The following TDRD9 variants were observed in gnomAD, a reference collection of about 807,000 sequenced individuals.
The protein encoded by TDRD9 is ATP-dependent RNA helicase TDRD9.
A neutral mutation model predicts 172.6 loss-of-function variants in TDRD9; 124 were observed. That is an observed-to-expected ratio of 0.72 (90% CI 0.62 to 0.83). The LOEUF is 0.83. TDRD9 is among the 40% of genes least tolerant of loss of function. The probability of loss-of-function intolerance (pLI) is 0.00; values close to 1 mark genes in which losing one functional copy is unlikely to be tolerated. For missense variants in TDRD9, 1,479 were observed against 1,714.1 expected, an observed-to-expected ratio of 0.86 and a Z score of 2.42; for synonymous variants, 619 against 617.1, an observed-to-expected ratio of 1.00 and a Z score of -0.05.
chr14:103,954,835 G>A (rs2032117004), intron 1 of TDRD9, among the ~76,000 whole-genome samples: 1 of 152,080 alleles, frequency 6.6e-6, no homozygotes, highest in Non-Finnish European at 1.5e-5. Flanking sequence ...CACCATGTTG[G>A]CCAGGCTGGT....
chr14:104,039,559 G>A (rs1322693932), intron 32 of TDRD9, among the ~76,000 whole-genome samples: 1 of 152,214 alleles, frequency 6.6e-6, no homozygotes, highest in African/African-American at 2.4e-5. Flanking sequence ...AGAGGCAGGA[G>A]TAAGAGATGG....
rs565465796 is a variant in TDRD9 at position 104,049,772 on chromosome 14, C to T, written c.4047+92C>T. On this transcript the variant is annotated intron_variant, in intron 35 of 35. Coordinates refer to ENST00000409874, the MANE Select transcript of TDRD9 (RefSeq NM_153046.3). ...CCCAGGGTTCAGAGCCAGGGCTGGC[C>T]GAGGGTCTGAGAGGCAGAGACAGGA... 3.5e-5 allele frequency: 40 copies of T among 1,139,240 alleles called. No homozygotes were observed. The East Asian group carries it at 5.0e-4, about 14-fold the overall frequency. The allele number at this position is 1,139,240 out of a possible 1,614,324, so 70.6% of individuals were successfully genotyped here. A position where few individuals can be genotyped will look rare whatever the true frequency, so the allele number is the denominator to read the frequency against.
At chr14:103,957,024 C>T (rs1049128177) in intron 2 of TDRD9, among the ~76,000 whole-genome samples, 4 of 152,090 alleles carry the variant, frequency 2.6e-5, no homozygotes, top group Non-Finnish European at 5.9e-5. Flanking sequence ...CTTTTTTAGC[C>T]TTTTAAAAAG....
intron 5 of TDRD9, among the ~76,000 whole-genome samples, chr14:103,968,571 G>A (rs569654824): frequency 4.0e-5 from 6 of 151,566 alleles, no homozygotes; most frequent in African/African-American, 1.5e-4. Context: ...CGGATCACGA[G>A]GATTTGTGAG....
chr14:103,959,841 A>G (rs2032427556), intron 2 of TDRD9, among the ~76,000 whole-genome samples: 1 of 152,192 alleles, frequency 6.6e-6, no homozygotes. Flanking sequence ...TTACAGTGTG[A>G]GCCTAGTTCT....
intron 8 of TDRD9, among the ~76,000 whole-genome samples, chr14:103,987,652 G>T (rs12436665): frequency 0.034 from 5,161 of 152,184 alleles, 191 homozygotes; most frequent in Admixed American, 0.13. Context: ...ATTTATGGAG[G>T]TTTGTTGCAT....
chr14:103,973,590 G>A (rs1328615782), intron 6 of TDRD9, among the ~76,000 whole-genome samples: 1 of 152,212 alleles, frequency 6.6e-6, no homozygotes, highest in Non-Finnish European at 1.5e-5. Context: ...GGAGGCTGGT[G>A]GCCAGGCTGA....
intron 1 of TDRD9, chr14:103,940,653 G>A: frequency 1.7e-6 from 1 of 573,092 alleles, no homozygotes. Context: ...CATGTTTAGA[G>A]TGGTTAAAAA....
chr14:104,016,138 ATTTT>A, intron 22 of TDRD9, 50 bp downstream of exon 22: 4 of 1,267,066 alleles, frequency 3.2e-6, no homozygotes, highest in Non-Finnish European at 4.5e-6. Flanking sequence ...GGGGCAGAAC[ATTTT>A]TGTTCTCTAA....
At chr14:103,939,652 A>C (rs932216986) in intron 1 of TDRD9, 1 of 139,470 alleles carries the variant, frequency 7.2e-6, no homozygotes, top group African/African-American at 2.6e-5. Flanking sequence ...TTGGCCAAGA[A>C]CGCAGGGAGA....
intron 34 of TDRD9, among the ~76,000 whole-genome samples, chr14:104,045,335 T>A: frequency 6.6e-6 from 1 of 151,584 alleles, no homozygotes; most frequent in East Asian, 1.9e-4. Context: ...TTCGTTTCCT[T>A]AATGACTAAT....
intron 1 of TDRD9, among the ~76,000 whole-genome samples, chr14:103,954,151 T>C (rs2032081873): frequency 2.0e-5 from 3 of 152,246 alleles, no homozygotes. Context: ...TCACTTAATA[T>C]TCTGGACATG....
intron 34 of TDRD9, among the ~76,000 whole-genome samples, chr14:104,043,084 G>A (rs949902786): frequency 6.6e-6 from 1 of 151,750 alleles, no homozygotes; most frequent in Non-Finnish European, 1.5e-5. Context: ...GAGTGCAGTG[G>A]TGCGAGCATG....
rs1339446098 is a variant in TDRD9 at position 104,026,959 on chromosome 14, C to T, written c.3282+20C>T. 1 of 1,609,294 alleles carries T rather than the reference C, an allele frequency of 6.2e-7. No homozygotes were observed. The highest frequency in any genetic ancestry group is 1.1e-5 in the South Asian group (1 of 90,892). On this transcript the variant is annotated intron_variant, in intron 28 of 35. Coordinates refer to ENST00000409874, the MANE Select transcript of TDRD9 (RefSeq NM_153046.3). ...TCCAAGGTGTGTGCTTTCGCCGTTGCTGGAGCACGCGTTTGTGTGAGAGAG... is the reference window on the plus strand; with the variant it reads ...TCCAAGGTGTGTGCTTTCGCCGTTGTTGGAGCACGCGTTTGTGTGAGAGAG...
At chr14:104,034,479 C>T (rs189474460) in intron 31 of TDRD9, among the ~76,000 whole-genome samples, 3 of 152,204 alleles carry the variant, frequency 2.0e-5, no homozygotes, top group East Asian at 3.9e-4. Flanking sequence ...CGTGAGCCAC[C>T]GCGCCCAGCT....
At chr14:104,018,487 T>G (rs2034858829) in intron 23 of TDRD9, among the ~76,000 whole-genome samples, 3 of 152,238 alleles carry the variant, frequency 2.0e-5, no homozygotes. Flanking sequence ...TAAAGTGATC[T>G]TCACTTTCAC....
chr14:103,999,535 A>T (rs1309511784), intron 13 of TDRD9, among the ~76,000 whole-genome samples: 1 of 152,126 alleles, frequency 6.6e-6, no homozygotes, highest in Non-Finnish European at 1.5e-5. Context: ...AGGTATATTC[A>T]TGACATACCT....
chr14:104,031,597 G>A (rs761053085), intron 29 of TDRD9, among the ~76,000 whole-genome samples: 20 of 151,184 alleles, frequency 1.3e-4, no homozygotes, highest in Non-Finnish European at 1.9e-4. Flanking sequence ...TGTTAGAGCC[G>A]GTGCTGCCCG....
At chr14:103,948,369 T>C (rs1039756007) in intron 1 of TDRD9, among the ~76,000 whole-genome samples, 1 of 152,008 alleles carries the variant, frequency 6.6e-6, no homozygotes, top group Non-Finnish European at 1.5e-5. Flanking sequence ...TGTGGAGAAA[T>C]TGGAACCCCT....
Sources: allele counts gnomAD v4.1 joint callset (sites outside exome capture counted in the v4.1 genomes callset), GRCh38; gene constraint gnomAD v4.1.1; transcripts MANE v1.5; gene names NCBI Gene and HGNC (gene_info 2026-07-23, HGNC 2026-07-21).